Variants in DAAM1 observed in about 807,000 individuals in gnomAD.
DAAM1 encodes the protein disheveled-associated activator of morphogenesis 1.
In DAAM1, 52 loss-of-function variants were observed where a neutral mutation model predicts 130.0. The ratio of observed to expected loss-of-function variants is 0.40; its 90% CI spans 0.32 to 0.50. DAAM1 has a LOEUF of 0.50. DAAM1 is among the 20% of genes least tolerant of loss of function. The pLI, the probability that DAAM1 is intolerant of heterozygous loss-of-function variation, is 0.61. For missense variants in DAAM1, 1,134 were observed against 1,303.8 expected, an observed-to-expected ratio of 0.87 and a Z score of 2.01; for synonymous variants, 452 against 444.5, an observed-to-expected ratio of 1.02 and a Z score of -0.21.
intron 15 of DAAM1, among the ~76,000 whole-genome samples, chr14:59,336,075 TAA>T (rs1885617521): frequency 6.6e-6 from 1 of 151,932 alleles, no homozygotes; most frequent in African/African-American, 2.4e-5. Flanking sequence ...AGCTTCATGA[TAA>T]GAGTTAATCA....
Position 59,331,260 on chromosome 14 carries a change from G to C in DAAM1, c.1612G>C (p.Gly538Arg). ...TGGACCCTCGCCTGGAGCACCAGGAGGGCCCTTTCCTTCCTCTGTGCCTGG... is the reference window on the plus strand; with the variant it reads ...TGGACCCTCGCCTGGAGCACCAGGACGGCCCTTTCCTTCCTCTGTGCCTGG... Reference protein sequence around the residue: ...PGGPSPGAPGGPFPSSVPGSL... With the variant: ...PGGPSPGAPGRPFPSSVPGSL... The change falls in exon 14 of 25, where the codon GGG becomes CGG. Residue 538 changes from glycine (G) to arginine (R), a missense_variant. Gly to Arg is a moderately radical substitution (Grantham distance 125). This residue lies in a region of DAAM1 where 644 missense variants were observed against 695.9 expected (regional missense o/e 0.93). Coordinates refer to ENST00000360909, the MANE Select transcript of DAAM1 (RefSeq NM_001270520.2). The C allele has an allele frequency of 4.3e-6, 7 of 1,612,884 alleles. No homozygotes were observed. The highest frequency in any genetic ancestry group is 5.1e-6 in the Non-Finnish European group (6 of 1,179,974).
chr14:59,346,985 G>A (rs1469190676), intron 16 of DAAM1, among the ~76,000 whole-genome samples: 6 of 150,378 alleles, frequency 4.0e-5, no homozygotes, highest in Non-Finnish European at 5.9e-5. Context: ...GTCTGACCTC[G>A]GACAAATCAC....
At chr14:59,367,728 G>A (rs910710458) in intron 24 of DAAM1, 129 bp downstream of exon 24, 4 of 1,254,594 alleles carry the variant, frequency 3.2e-6, no homozygotes, top group Non-Finnish European at 4.1e-6. Context: ...AGAATGCTGT[G>A]GGACTTTACA....
At chr14:59,287,433 G>A (rs1394163991) in intron 2 of DAAM1, among the ~76,000 whole-genome samples, 2 of 152,184 alleles carry the variant, frequency 1.3e-5, no homozygotes, top group African/African-American at 4.8e-5. Flanking sequence ...TTGCTAGCCA[G>A]AGCAAATAAG....
rs547501245 is a variant in DAAM1 at position 59,241,860 on chromosome 14, G to A, written c.-37-21581G>A. On this transcript the variant is annotated intron_variant, in intron 1 of 24. Coordinates refer to ENST00000360909, the MANE Select transcript of DAAM1 (RefSeq NM_001270520.2). ...CCTAGATCCGGGGCTTATTTCTTCT[G>A]GCTTTCTTAAATCACAAACTGTCTC... Among the ~76,000 whole-genome samples, 20 of 152,074 alleles carry A rather than the reference G, an allele frequency of 1.3e-4. No individual in the cohort carries two copies. In the South Asian group the frequency reaches 4.2e-3, roughly 32 times the overall value.
chr14:59,189,217 G>A (rs1887649419), intron 1 of DAAM1, among the ~76,000 whole-genome samples: 2 of 152,150 alleles, frequency 1.3e-5, no homozygotes, highest in African/African-American at 4.8e-5. Context: ...CCCCGAGGCA[G>A]GCTTGGTGGA....
intron 3 of DAAM1, among the ~76,000 whole-genome samples, chr14:59,314,574 CT>C (rs1327180490): frequency 6.6e-6 from 1 of 152,062 alleles, no homozygotes; most frequent in Non-Finnish European, 1.5e-5. Context: ...CCAGGTCACC[CT>C]GCTCTGTAAG....
At chr14:59,362,820 A>C (rs1461060975) in intron 22 of DAAM1, 1 of 152,160 alleles carries the variant, frequency 6.6e-6, no homozygotes, top group Admixed American at 6.5e-5. Context: ...TATACAACAT[A>C]GTTATTACCA....
chr14:59,355,250 G>A lies in DAAM1; in HGVS notation c.2442G>A (p.Met814Ile). The A allele has an allele frequency of 1.2e-6, 2 of 1,614,100 alleles. No individual in the cohort carries two copies. Among genetic ancestry groups the A allele is most frequent in the Non-Finnish European group, 1.7e-6 (2 of 1,180,002 alleles). The change falls in exon 20 of 25, where the codon ATG becomes ATA. Residue 814 changes from methionine (M) to isoleucine (I), a missense_variant. Transcript: ENST00000360909. ...LEVVLAFGNY[M>I]NKGQRGNAYG... The stretch of plus-strand genomic sequence containing the variant: ...TGGTTTTGGCATTTGGAAATTATAT[G>A]AATAAAGGTCAAAGAGGGAATGCAT...
chr14:59,283,760 A>G (rs1032843540), intron 2 of DAAM1, among the ~76,000 whole-genome samples: 7 of 152,148 alleles, frequency 4.6e-5, no homozygotes, highest in African/African-American at 1.4e-4. Context: ...GGCCATGACT[A>G]GGCACTGGAG....
intron 1 of DAAM1, among the ~76,000 whole-genome samples, chr14:59,224,881 G>T (rs1888887380): frequency 6.6e-6 from 1 of 152,272 alleles, no homozygotes; most frequent in Non-Finnish European, 1.5e-5. Flanking sequence ...TCCTTCCACT[G>T]TGTGAGGGAA....
intron 23 of DAAM1, among the ~76,000 whole-genome samples, chr14:59,365,003 T>TCCCACCTGAGCAATATAG (rs1392081600): frequency 6.6e-6 from 1 of 152,202 alleles, no homozygotes; most frequent in Non-Finnish European, 1.5e-5. Flanking sequence ...TGTTCTGATA[T>TCCCACCTGAGCAATATAG]CCCACCTGAG....
At chr14:59,274,609 A>T (rs1161698899) in intron 2 of DAAM1, among the ~76,000 whole-genome samples, 1 of 152,138 alleles carries the variant, frequency 6.6e-6, no homozygotes, top group African/African-American at 2.4e-5. Context: ...GAGTGAATGG[A>T]TGTATAACTA....
At chr14:59,215,213 T>G (rs1166072948) in intron 1 of DAAM1, among the ~76,000 whole-genome samples, 2 of 152,220 alleles carry the variant, frequency 1.3e-5, no homozygotes, top group African/African-American at 4.8e-5. Flanking sequence ...ACCAGGAGTT[T>G]TACTTTCCTG....
intron 1 of DAAM1, among the ~76,000 whole-genome samples, chr14:59,243,860 G>A (rs1012782618): frequency 1.1e-4 from 17 of 152,182 alleles, no homozygotes; most frequent in African/African-American, 4.1e-4. Flanking sequence ...CATCTTGTTT[G>A]AAGTTCCAAA....
intron 19 of DAAM1, 140 bp downstream of exon 19, chr14:59,354,104 A>G: frequency 1.3e-6 from 1 of 775,732 alleles, no homozygotes. Flanking sequence ...ACAGTTGCCC[A>G]GGCTGGAGTG....
At chr14:59,363,109 G>A (rs1377896785) in intron 22 of DAAM1, 3 of 153,540 alleles carry the variant, frequency 2.0e-5, no homozygotes, top group African/African-American at 4.8e-5. Context: ...CTACAGGCCT[G>A]TTCACAAAAA....
At chr14:59,328,906 C>T (rs1260717346) in intron 12 of DAAM1, among the ~76,000 whole-genome samples, 1 of 151,960 alleles carries the variant, frequency 6.6e-6, no homozygotes, top group African/African-American at 2.4e-5. Flanking sequence ...CTTCAGGTGG[C>T]AAAATTGTAT....
chr14:59,242,045 C>T (rs1010076778), intron 1 of DAAM1, among the ~76,000 whole-genome samples: 16 of 152,130 alleles, frequency 1.1e-4, no homozygotes. Flanking sequence ...CTGGAAGAGA[C>T]CTTGAAGATT....
Sources: allele counts gnomAD v4.1 joint callset (sites outside exome capture counted in the v4.1 genomes callset), GRCh38; gene constraint gnomAD v4.1.1; regional missense constraint gnomAD v4.1.1; transcripts MANE v1.5; gene names NCBI Gene and HGNC (gene_info 2026-07-23, HGNC 2026-07-21).